The following DCDC1 variants were observed in gnomAD, a reference collection of about 807,000 sequenced individuals.
DCDC1 encodes doublecortin domain-containing protein 1.
A neutral mutation model predicts 178.3 loss-of-function variants in DCDC1; 200 were observed. The observed-to-expected ratio is 1.12, with a 90% CI of 1.00 to 1.26. DCDC1 has a LOEUF of 1.26. DCDC1 is among the 50% of genes most tolerant of loss of function. The probability of loss-of-function intolerance (pLI) is 0.00; values close to 1 mark genes in which losing one functional copy is unlikely to be tolerated. For synonymous variants in DCDC1, 690 were observed against 604.8 expected (o/e 1.14, Z -2.07); for missense variants, 1,983 against 1,749.2 (o/e 1.13, Z -2.38).
At chr11:31,178,358 A>G (rs1968350527) in intron 9 of DCDC1, among the ~76,000 whole-genome samples, 1 of 152,224 alleles carries the variant, frequency 6.6e-6, no homozygotes, top group Non-Finnish European at 1.5e-5. Flanking sequence ...GTGAGATTAG[A>G]TCCTACCTTT....
At chr11:31,068,604 C>G (rs538383840) in intron 18 of DCDC1, among the ~76,000 whole-genome samples, 1 of 152,182 alleles carries the variant, frequency 6.6e-6, no homozygotes, top group Non-Finnish European at 1.5e-5. Flanking sequence ...GAATGATACA[C>G]TATCAATAAT....
chr11:31,254,373 A>G (rs1341430824), intron 8 of DCDC1, among the ~76,000 whole-genome samples: 6 of 152,192 alleles, frequency 3.9e-5, no homozygotes. Flanking sequence ...GTGAAAATCG[A>G]GAATGTGCAG....
chr11:31,298,255 A>G (rs1354892552), intron 6 of DCDC1, among the ~76,000 whole-genome samples: 1 of 152,106 alleles, frequency 6.6e-6, no homozygotes, highest in Non-Finnish European at 1.5e-5. Flanking sequence ...TGCCCTCCAC[A>G]ACCAACTGCC....
chr11:31,004,151 A>G (rs1590725688), intron 20 of DCDC1, among the ~76,000 whole-genome samples: 3 of 152,348 alleles, frequency 2.0e-5, no homozygotes, highest in Admixed American at 6.5e-5. Flanking sequence ...AGGAGGATAT[A>G]TAAGAACTAC....
chr11:30,891,360 T>C (rs914421971), intron 36 of DCDC1, among the ~76,000 whole-genome samples: 1 of 151,964 alleles, frequency 6.6e-6, no homozygotes, highest in Non-Finnish European at 1.5e-5. Flanking sequence ...TACACCAGAG[T>C]CACATAAATC....
intron 11 of DCDC1, among the ~76,000 whole-genome samples, chr11:31,113,624 CT>C (rs1218874105): frequency 6.6e-6 from 1 of 152,016 alleles, no homozygotes; most frequent in East Asian, 1.9e-4. Context: ...TGAACTCATC[CT>C]TTTTTATGGC....
chr11:30,915,812 A>C, intron 26 of DCDC1, 101 bp from the exon 27 acceptor site: 1 of 1,167,774 alleles, frequency 8.6e-7, no homozygotes, highest in Non-Finnish European at 1.2e-6. Flanking sequence ...TGAGAGCTCC[A>C]ACGTGAAACA....
At chr11:30,953,074 C>T (rs1430908409) in intron 20 of DCDC1, among the ~76,000 whole-genome samples, 2 of 151,782 alleles carry the variant, frequency 1.3e-5, no homozygotes, top group African/African-American at 2.4e-5. Flanking sequence ...TAATGGAGAA[C>T]ATATCTTTCT....
intron 11 of DCDC1, among the ~76,000 whole-genome samples, chr11:31,115,994 G>GGGGGGGGGGGGTGGGGGGGGGGGGGGGT (rs1959889948): frequency 1.1e-5 from 1 of 87,214 alleles, no homozygotes; most frequent in Admixed American, 1.2e-4. Flanking sequence ...GGGGGGGGGG[G>GGGGGGGGGGGGTGGGGGGGGGGGGGGGT]ATGGGTATCT....
chr11:30,897,079 A>C (rs552467312), intron 34 of DCDC1, among the ~76,000 whole-genome samples: 1 of 152,188 alleles, frequency 6.6e-6, no homozygotes, highest in African/African-American at 2.4e-5. Flanking sequence ...CACCAGCTAG[A>C]AAAAGGCCTT....
At chr11:31,264,436 A>G (rs1220521618) in intron 8 of DCDC1, among the ~76,000 whole-genome samples, 1 of 152,142 alleles carries the variant, frequency 6.6e-6, no homozygotes, top group African/African-American at 2.4e-5. Context: ...AAGTGGAAAG[A>G]GAGAGGGAGG....
intron 9 of DCDC1, among the ~76,000 whole-genome samples, chr11:31,174,069 A>T (rs760008444): frequency 6.6e-6 from 1 of 152,162 alleles, no homozygotes; most frequent in Non-Finnish European, 1.5e-5. Flanking sequence ...ACGCGGGTGC[A>T]GCCACCCAGC....
chr11:30,881,866 C>T (rs553015306), intron 36 of DCDC1, among the ~76,000 whole-genome samples: 1 of 152,260 alleles, frequency 6.6e-6, no homozygotes, highest in Admixed American at 6.5e-5. Flanking sequence ...AAACTTCTCT[C>T]AATTTATCTT....
At chr11:31,265,395 T>C (rs1945083870) in intron 8 of DCDC1, 112 bp downstream of exon 8, 2 of 452,210 alleles carry the variant, frequency 4.4e-6, no homozygotes, top group East Asian at 8.3e-5. Context: ...ATCCAAGTTA[T>C]AATTAAACTA....
At chr11:30,963,113 G>A (rs116355875) in intron 20 of DCDC1, among the ~76,000 whole-genome samples, 1,924 of 152,204 alleles carry the variant, frequency 0.013, 47 homozygotes, top group African/African-American at 0.044. Context: ...ATGAAAGCAA[G>A]ATAAATGAAT....
intron 21 of DCDC1, among the ~76,000 whole-genome samples, chr11:30,932,977 A>G (rs1216141853): frequency 7.5e-6 from 1 of 133,554 alleles, no homozygotes. Context: ...GCAAGGTCCA[A>G]GTTTATTCTT....
chr11:30,955,858 A>T (rs1948745369), intron 20 of DCDC1, among the ~76,000 whole-genome samples: 1 of 152,008 alleles, frequency 6.6e-6, no homozygotes, highest in South Asian at 2.1e-4. Flanking sequence ...AAATAAACCA[A>T]CTCTGGTTAA....
At chr11:30,886,515 C>T (rs967693865) in intron 36 of DCDC1, among the ~76,000 whole-genome samples, 6 of 152,138 alleles carry the variant, frequency 3.9e-5, no homozygotes, top group African/African-American at 1.4e-4. Context: ...GGTGAGGAAT[C>T]ATTTTCTAAC....
At position 31,065,039 on chromosome 11, in the gene DCDC1, C is replaced by T. The variant is rs761224368; in HGVS notation, c.2413G>A (p.Gly805Ser). The stretch of plus-strand genomic sequence containing the variant: ...CTGACCTCTTCTGCTAAGTTTCTGC[C>T]ATGTTCCTGATGAGCTGTGGTCCAG... ...GAWTTAHQEHGRNLAEEVLQE... is the reference protein window; with the variant it reads ...GAWTTAHQEHSRNLAEEVLQE... Residue 805 changes from glycine to serine, a missense_variant, in exon 19 of 39, where the codon GGC becomes AGC. By Grantham distance (56) the Gly-to-Ser change is moderately conservative. Coordinates refer to ENST00000684477, the MANE Select transcript of DCDC1 (RefSeq NM_001387274.1). The T allele has an allele frequency of 4.3e-5, 33 of 762,970 alleles. No homozygotes were observed. In the South Asian group the frequency reaches 4.5e-4, roughly 10 times the overall value. 47.3% of individuals were successfully genotyped at this position (762,970 alleles called of 1,614,324 possible).
Sources: allele counts gnomAD v4.1 joint callset (sites outside exome capture counted in the v4.1 genomes callset), GRCh38; gene constraint gnomAD v4.1.1; transcripts MANE v1.5; gene names NCBI Gene and HGNC (gene_info 2026-07-23, HGNC 2026-07-21).